The following AHI1 variants were observed in gnomAD, a reference collection of about 807,000 sequenced individuals.
AHI1 encodes jouberin.
Under a neutral mutation model 149.3 loss-of-function variants are expected in AHI1, and 123 were observed. That is an observed-to-expected ratio of 0.82 (90% CI 0.71 to 0.96). The LOEUF (loss-of-function observed/expected upper bound fraction) is 0.96, where lower values mean the gene tolerates loss of function less well. Ranked by LOEUF, AHI1 falls within the 40% of genes least tolerant of loss-of-function variation. The pLI is 0.00. For synonymous variants in AHI1, 475 were observed against 459.8 expected (o/e 1.03, Z -0.42); for missense variants, 1,439 against 1,422.7 (o/e 1.01, Z -0.18).
intron 25 of AHI1, among the ~76,000 whole-genome samples, chr6:135,319,529 T>G (rs919620889): frequency 6.6e-6 from 1 of 152,090 alleles, no homozygotes; most frequent in African/African-American, 2.4e-5. Context: ...AAGCATGGAG[T>G]TAGGACTATA....
intron 23 of AHI1, chr6:135,388,171 T>C: frequency 1.1e-6 from 1 of 908,976 alleles, no homozygotes; most frequent in Middle Eastern, 3.4e-4. Context: ...TCTACAATAG[T>C]GAATTAATGC....
chr6:135,448,197 G>T, intron 12 of AHI1, 93 bp downstream of exon 12: 1 of 820,104 alleles, frequency 1.2e-6, no homozygotes, highest in East Asian at 3.2e-5. Context: ...ATTATTATTA[G>T]AGGCCTTATC....
At chr6:135,394,201 A>G (rs1404229114) in intron 23 of AHI1, among the ~76,000 whole-genome samples, 2 of 152,108 alleles carry the variant, frequency 1.3e-5, no homozygotes, top group Non-Finnish European at 2.9e-5. Flanking sequence ...TTTCAATACC[A>G]CAAAAACATT....
chr6:135,430,964 C>A (rs1784566174), intron 17 of AHI1, among the ~76,000 whole-genome samples: 1 of 151,938 alleles, frequency 6.6e-6, no homozygotes, highest in Non-Finnish European at 1.5e-5. Context: ...CTGAATGCCA[C>A]AGTGCAAATG....
chr6:135,472,519 T>C (rs914094074), intron 5 of AHI1, among the ~76,000 whole-genome samples: 11 of 152,214 alleles, frequency 7.2e-5, no homozygotes, highest in Non-Finnish European at 1.5e-5. Context: ...AGAAGTGGAA[T>C]TGCTGTGCTA....
intron 24 of AHI1, among the ~76,000 whole-genome samples, chr6:135,351,135 CAAAAAAA>C (rs1183574427): frequency 2.3e-5 from 3 of 131,390 alleles, no homozygotes; most frequent in African/African-American, 3.4e-5. Flanking sequence ...AAACAAAAAA[CAAAAAAA>C]ACAAAAAAAA....
chr6:135,409,899 CTCT>C (rs1354280161), intron 21 of AHI1, among the ~76,000 whole-genome samples: 2 of 152,144 alleles, frequency 1.3e-5, no homozygotes, highest in Non-Finnish European at 2.9e-5. Flanking sequence ...ACATGCTGGT[CTCT>C]TCTTTAACAA....
intron 25 of AHI1, among the ~76,000 whole-genome samples, chr6:135,319,168 T>C (rs907207526): frequency 6.6e-6 from 1 of 152,232 alleles, no homozygotes; most frequent in Non-Finnish European, 1.5e-5. Context: ...GGTAGGATTT[T>C]ACCAGTCAGA....
At chr6:135,295,768 G>A (rs972865264) in intron 27 of AHI1, among the ~76,000 whole-genome samples, 3 of 152,220 alleles carry the variant, frequency 2.0e-5, no homozygotes, top group East Asian at 3.8e-4. Context: ...AAGTCTTGGA[G>A]AGATGGGTAT....
chr6:135,400,726 G>A (rs928392872), intron 22 of AHI1, among the ~76,000 whole-genome samples: 6 of 152,082 alleles, frequency 3.9e-5, no homozygotes, highest in African/African-American at 7.2e-5. Context: ...AAATATCTCC[G>A]CAGGTAGCTT....
chr6:135,459,652 C>T (rs1406337897), intron 8 of AHI1, among the ~76,000 whole-genome samples: 1 of 149,482 alleles, frequency 6.7e-6, no homozygotes, highest in Non-Finnish European at 1.5e-5. Context: ...AAACATGGGA[C>T]AGCCTTTCAG....
intron 24 of AHI1, among the ~76,000 whole-genome samples, chr6:135,335,435 TA>T (rs1483778489): frequency 6.6e-6 from 1 of 150,962 alleles, no homozygotes; most frequent in African/African-American, 2.4e-5. Flanking sequence ...GAATAATGAA[TA>T]AAAGAAATTT....
chr6:135,294,291 A>T lies in AHI1; in HGVS notation c.3486-3766T>A, dbSNP rs187623183. 4.1e-4 allele frequency among the ~76,000 whole-genome samples: 62 copies of T among 152,198 alleles called. 1 individual carries two copies. Among genetic ancestry groups the T allele is most frequent in the African/African-American group, 1.4e-3 (57 of 41,494 alleles). ...TAGTGAGCCGAGATCATGCCATTGC[A>T]CTCCAGCCCGGGTGACAGTGCAAGA... On this transcript the variant is annotated intron_variant, in intron 27 of 28. Transcript: ENST00000265602.
At chr6:135,478,616 C>G (rs940042942) in intron 5 of AHI1, among the ~76,000 whole-genome samples, 1 of 152,066 alleles carries the variant, frequency 6.6e-6, no homozygotes, top group African/African-American at 2.4e-5. Flanking sequence ...AAGCAGAGCA[C>G]GAAAGTTTGG....
chr6:135,436,110 A>G (rs1007178006), intron 15 of AHI1, among the ~76,000 whole-genome samples: 3 of 152,234 alleles, frequency 2.0e-5, no homozygotes, highest in Non-Finnish European at 4.4e-5. Context: ...GGTGTGCGCT[A>G]GAAGTCATTA....
At chr6:135,321,285 A>G (rs367759794) in intron 25 of AHI1, among the ~76,000 whole-genome samples, 7 of 152,186 alleles carry the variant, frequency 4.6e-5, no homozygotes, top group Admixed American at 1.3e-4. Flanking sequence ...AAGAAAGAAA[A>G]AAAAAGTTAT....
rs114649882 is a variant in AHI1 at position 135,334,632 on chromosome 6, A to G, written c.3166-11308T>C. Reference sequence around the variant, plus strand: ...ACATTGAAAAAGTTTCTAAAATAACATCTTTTTATTGGCTATTCCCTAAAA... The same window carrying G: ...ACATTGAAAAAGTTTCTAAAATAACGTCTTTTTATTGGCTATTCCCTAAAA... On this transcript the variant is annotated intron_variant, in intron 24 of 28. Coordinates refer to ENST00000265602, the MANE Select transcript of AHI1 (RefSeq NM_001134831.2). Among the ~76,000 whole-genome samples the G allele has an allele frequency of 1.9e-3, 282 of 152,328 alleles. 1 individual carries two copies. The highest frequency in any genetic ancestry group is 6.6e-3 in the African/African-American group (274 of 41,584).
chr6:135,418,895 T>C (rs13198972), intron 20 of AHI1, among the ~76,000 whole-genome samples: 3,979 of 152,112 alleles, frequency 0.026, 71 homozygotes, highest in Non-Finnish European at 0.04. Context: ...TTAGCAGTTA[T>C]ATAGCATTCT....
In AHI1 at chr6:135,430,587, T is replaced by C. The variant is rs1011406237; in HGVS notation, c.2374-587A>G. Among the ~76,000 whole-genome samples the C allele has an allele frequency of 9.2e-5, 14 of 152,022 alleles. No homozygotes were observed. The South Asian group carries it at 2.5e-3, about 27-fold the overall frequency. On this transcript the variant is annotated intron_variant, in intron 17 of 28. Coordinates refer to ENST00000265602, the MANE Select transcript of AHI1 (RefSeq NM_001134831.2). ...ATGTTAGGCAGAAACTGAATCAATT[T>C]ATATAGAACAAATTCAAGTTTAATG...
Sources: allele counts gnomAD v4.1 joint callset (sites outside exome capture counted in the v4.1 genomes callset), GRCh38; gene constraint gnomAD v4.1.1; transcripts MANE v1.5; gene names NCBI Gene and HGNC (gene_info 2026-07-23, HGNC 2026-07-21).